DCT: variants seen among roughly 807,000 people sequenced by gnomAD.
The protein encoded by DCT is L-dopachrome tautomerase.
A neutral mutation model predicts 53.0 loss-of-function variants in DCT; 47 were observed. That is an observed-to-expected ratio of 0.89 (90% CI 0.70 to 1.13). The LOEUF is 1.13. Among genes scored for constraint, DCT ranks in the 50% most tolerant of loss-of-function variants. The probability of loss-of-function intolerance (pLI) is 0.00; values close to 1 mark genes in which losing one functional copy is unlikely to be tolerated. For missense variants in DCT, 669 were observed against 637.4 expected (o/e 1.05, Z -0.53); for synonymous variants, 244 against 237.0 (o/e 1.03, Z -0.27).
the DCT span, among the ~76,000 whole-genome samples, chr13:94,543,716 T>C: frequency 5.3e-5 from 8 of 152,168 alleles, no homozygotes. Flanking sequence ...TGTTAATCCT[T>C]TCCTTTTAAG....
the DCT span, among the ~76,000 whole-genome samples, chr13:94,488,230 C>A: frequency 6.6e-6 from 1 of 152,062 alleles, no homozygotes; most frequent in Non-Finnish European, 1.5e-5. Flanking sequence ...CTTCAAAATA[C>A]AGTTCTATGG....
Position 94,463,602 on chromosome 13 carries a change from C to T in DCT, c.864-1413G>A, listed in dbSNP as rs564165808. ...ACCGTGCCCAGCTAGGCTAACTTTT[C>T]AAACTTTTTGTAGAGACAGGGTTTC... is the stretch of plus-strand genomic sequence containing the variant. On this transcript the variant is annotated intron_variant, in intron 4 of 7. Coordinates refer to ENST00000377028, the MANE Select transcript of DCT (RefSeq NM_001922.5). Among the ~76,000 whole-genome samples the T allele has an allele frequency of 1.5e-3, 235 of 152,128 alleles. 1 individual carries two copies. Among genetic ancestry groups the T allele is most frequent in the Middle Eastern group, 6.8e-3 (2 of 294 alleles).
rs1399366588 is a variant in DCT at position 94,438,762 on chromosome 13, A to G, written c.*1136T>C. The G allele has an allele frequency of 2.4e-6, 1 of 410,992 alleles. No individual in the cohort carries two copies. Among genetic ancestry groups the G allele is most frequent in the Non-Finnish European group, 4.9e-6 (1 of 205,834 alleles). The allele number at this position is 410,992 out of a possible 1,614,324, so 25.5% of individuals were successfully genotyped here. A position where few individuals can be genotyped will look rare whatever the true frequency, so the allele number is the denominator to read the frequency against. ...TCTGATGATTGCATAGCAGAATATAACCACTTAATTCTGAATTGTCATGTT... is the reference window on the plus strand; with the variant it reads ...TCTGATGATTGCATAGCAGAATATAGCCACTTAATTCTGAATTGTCATGTT... On this transcript the variant is annotated 3_prime_UTR_variant, in exon 8 of 8. Coordinates refer to ENST00000377028, the MANE Select transcript of DCT (RefSeq NM_001922.5).
At chr13:94,506,250 TC>T in the DCT span, among the ~76,000 whole-genome samples, 9 of 152,232 alleles carry the variant, frequency 5.9e-5, no homozygotes, top group African/African-American at 2.2e-4. Context: ...CCCCAGCTCT[TC>T]GTTTCTAAAT....
intron 1 of DCT, among the ~76,000 whole-genome samples, chr13:94,469,810 C>T (rs1380090318): frequency 5.9e-5 from 9 of 152,184 alleles, no homozygotes; most frequent in Non-Finnish European, 1.2e-4. Context: ...CCCGGTGGCT[C>T]ACGCCTGTAA....
At chr13:94,507,300 C>CT in the DCT span, among the ~76,000 whole-genome samples, 6 of 152,070 alleles carry the variant, frequency 3.9e-5, no homozygotes, top group Non-Finnish European at 7.4e-5. Flanking sequence ...TCTCGCTACT[C>CT]TTTTTTGGAA....
In DCT at chr13:94,479,047, G is replaced by C; in HGVS notation, c.209C>G (p.Pro70Arg). ...TCGTAGGATGTAGGGACCACTCCAG[G>C]GCCTTGTGTCGGCTCGCACCTCTGT... Reference protein sequence around the residue: ...QCTEVRADTRPWSGPYILRNQ... With the variant: ...QCTEVRADTRRWSGPYILRNQ... Residue 70 changes from proline (P) to arginine (R), a missense_variant, in exon 1 of 8, where the codon CCC (proline) becomes CGC (arginine). Coordinates refer to ENST00000377028, the MANE Select transcript of DCT (RefSeq NM_001922.5). The C allele has an allele frequency of 6.2e-7, 1 of 1,614,196 alleles. No homozygotes were observed. Among genetic ancestry groups the C allele is most frequent in the African/African-American group, 1.3e-5 (1 of 75,050 alleles).
chr13:94,455,385 G>GAGAGAGAA (rs1240199040), intron 6 of DCT, among the ~76,000 whole-genome samples: 3 of 150,046 alleles, frequency 2.0e-5, no homozygotes, highest in Non-Finnish European at 3.0e-5. Flanking sequence ...GTCTCTTAGA[G>GAGAGAGAA]AGAGAGAGAG....
the DCT span, among the ~76,000 whole-genome samples, chr13:94,546,985 G>A: frequency 6.6e-6 from 1 of 152,062 alleles, no homozygotes; most frequent in South Asian, 2.1e-4. The surrounding 1 kb of genome is among the most constrained non-coding windows in gnomAD (Gnocchi z 4.2). Flanking sequence ...AAGAACTAGG[G>A]AAGAAGGGAT....
intron 6 of DCT, among the ~76,000 whole-genome samples, chr13:94,457,135 G>T (rs1009558946): frequency 6.6e-6 from 1 of 152,022 alleles, no homozygotes; most frequent in African/African-American, 2.4e-5. Flanking sequence ...GTCTCAAAAA[G>T]AAAAAAGAAA....
rs760282974 is a variant in DCT at position 94,468,946 on chromosome 13, G to C, written c.395C>G (p.Ser132Cys). ...CTGCTCTCTTTCCTGAGGACTCAAG[G>C]AATGGATGTTCTGCCGAATCACTGG... Reference protein sequence around the residue: ...KPPVIRQNIHSLSPQEREQFL... With the variant: ...KPPVIRQNIHCLSPQEREQFL... Residue 132 changes from serine (S) to cysteine (C), a missense_variant, in exon 2 of 8, where the codon TCC becomes TGC. Physicochemically the swap from Ser to Cys is moderately radical, Grantham distance 112 (BLOSUM62 -1). Transcript: ENST00000377028. The C allele has an allele frequency of 8.7e-6, 14 of 1,614,142 alleles. No homozygotes were observed. In the East Asian group the frequency reaches 1.8e-4, roughly 21 times the overall value.
At chr13:94,526,524 G>C in the DCT span, among the ~76,000 whole-genome samples, 6 of 152,228 alleles carry the variant, frequency 3.9e-5, no homozygotes, top group African/African-American at 1.4e-4. Context: ...TAGCTACTCG[G>C]GAGGCTGAGG....
upstream of DCT, among the ~76,000 whole-genome samples, chr13:94,483,648 C>G (rs1885539580): frequency 6.6e-6 from 1 of 152,068 alleles, no homozygotes; most frequent in Non-Finnish European, 1.5e-5. Context: ...ACTACAGGCA[C>G]CCACCACCAC....
At chr13:94,522,417 G>A in the DCT span, among the ~76,000 whole-genome samples, 3,843 of 152,204 alleles carry the variant, frequency 0.025, 187 homozygotes, top group African/African-American at 0.087. Context: ...TTAGAACTCG[G>A]ACTGGCTCTT....
At chr13:94,514,720 G>A in the DCT span, among the ~76,000 whole-genome samples, 53,642 of 152,052 alleles carry the variant, frequency 0.35, 9,847 homozygotes, top group East Asian at 0.61. Context: ...AGGCGGGAAG[G>A]GGGAAGACAA....
intron 6 of DCT, among the ~76,000 whole-genome samples, chr13:94,455,484 A>G (rs1883355158): frequency 6.6e-6 from 1 of 152,142 alleles, no homozygotes; most frequent in African/African-American, 2.4e-5. Flanking sequence ...TTGATAAATT[A>G]AAGCCTGAGG....
At chr13:94,537,643 CAAAT>C in the DCT span, among the ~76,000 whole-genome samples, 1 of 148,000 alleles carries the variant, frequency 6.8e-6, no homozygotes, top group African/African-American at 2.7e-5. Context: ...GAAAAAAAAA[CAAAT>C]AAAAACGAAA....
At chr13:94,517,462 T>C in the DCT span, among the ~76,000 whole-genome samples, 1 of 152,186 alleles carries the variant, frequency 6.6e-6, no homozygotes, top group Admixed American at 6.5e-5. Context: ...TTCTAAAATT[T>C]ATAACATGTA....
At chr13:94,496,788 C>A in the DCT span, among the ~76,000 whole-genome samples, 1 of 152,132 alleles carries the variant, frequency 6.6e-6, no homozygotes, top group East Asian at 1.9e-4. Flanking sequence ...TCCTAGATAC[C>A]AGGACTTCAG....
Sources: allele counts gnomAD v4.1 joint callset (sites outside exome capture counted in the v4.1 genomes callset), GRCh38; gene constraint gnomAD v4.1.1; non-coding constraint Gnocchi (gnomAD v3.1); transcripts MANE v1.5; gene names NCBI Gene and HGNC (gene_info 2026-07-23, HGNC 2026-07-21).